SGTA: variants seen among roughly 807,000 people sequenced by gnomAD.
SGTA encodes small glutamine rich tetratricopeptide repeat co-chaperone alpha.
Under a neutral mutation model 44.3 loss-of-function variants are expected in SGTA, and 22 were observed. The observed-to-expected ratio is 0.50, with a 90% CI of 0.36 to 0.71. The LOEUF is 0.71. Among genes scored for constraint, SGTA ranks in the 30% least tolerant of loss-of-function variants. The probability of loss-of-function intolerance (pLI) is 0.00; values close to 1 mark genes in which losing one functional copy is unlikely to be tolerated. For synonymous variants in SGTA, 174 were observed against 177.6 expected (o/e 0.98, Z 0.16); for missense variants, 341 against 435.9 (o/e 0.78, Z 1.94).
Position 2,763,610 on chromosome 19 carries a change from G to T in SGTA, c.497+43C>A. On this transcript the variant is annotated intron_variant, in intron 6 of 11. Transcript: ENST00000221566. The surrounding 1 kb of genome is among the most constrained non-coding windows in gnomAD (Gnocchi z 5.8). ...AGGAAGCAGGAGCAGGAGAGGAGGG[G>T]TCCCGAGAGACTGGAAAGGCGCGGC... 7.3e-7 allele frequency: 1 copy of T among 1,371,340 alleles called. No individual in the cohort carries two copies. 84.9% of individuals were successfully genotyped at this position (1,371,340 alleles called of 1,614,324 possible).
Position 2,755,926 on chromosome 19 carries a change from G to A in SGTA, c.*14C>T, listed in dbSNP as rs906977258. On this transcript the variant is annotated 3_prime_UTR_variant, in exon 12 of 12. Transcript: ENST00000221566. This position sits in a 1 kb window ranked among gnomAD's most constrained non-coding sequence, Gnocchi z 5.2. ...GGCCAGGGAAGGACGCGGTCACACC[G>A]GGAGCAGCTGGAAGGGGACAGACAT... 6.8e-5 allele frequency: 67 copies of A among 985,952 alleles called. No homozygotes were observed. Among genetic ancestry groups the A allele is most frequent in the Middle Eastern group, 1.0e-3 (2 of 1,916 alleles). The allele number at this position is 985,952 out of a possible 1,614,324, so 61.1% of individuals were successfully genotyped here.
rs1915107622 is a variant in SGTA, at chr19:2,765,333, G to C, written c.293-48C>G. On this transcript the variant is annotated intron_variant, in intron 4 of 11. Coordinates refer to ENST00000221566, the MANE Select transcript of SGTA (RefSeq NM_003021.4). The surrounding 1 kb of genome is among the most constrained non-coding windows in gnomAD (Gnocchi z 5.5). ...CGGCCCGGTGTCCACACAGACCGGA[G>C]GGGGTGTCAGGGAGAGAGGAAAACA... 7.3e-7 allele frequency: 1 copy of C among 1,377,114 alleles called. No individual in the cohort carries two copies. The highest frequency in any genetic ancestry group is 1.2e-5 in the South Asian group (1 of 83,592). 85.3% of individuals were successfully genotyped at this position (1,377,114 alleles called of 1,614,324 possible).
In SGTA at chr19:2,769,085, G is replaced by C; in HGVS notation, c.-17C>G. The C allele has an allele frequency of 6.2e-7, 1 of 1,606,894 alleles. No individual in the cohort carries two copies. Among genetic ancestry groups the C allele is most frequent in the Non-Finnish European group, 8.5e-7 (1 of 1,173,804 alleles). ...GTTGTCCATCTTGAGCCCAGAAGAGGTGATACCTGGGGGTGCAGGAAAAAC... is the reference window on the plus strand; with the variant it reads ...GTTGTCCATCTTGAGCCCAGAAGAGCTGATACCTGGGGGTGCAGGAAAAAC... On this transcript the variant is annotated 5_prime_UTR_variant, in exon 2 of 12. Coordinates refer to ENST00000221566, the MANE Select transcript of SGTA (RefSeq NM_003021.4).
In SGTA at chr19:2,761,126, G is replaced by T. The variant is rs958319598; in HGVS notation, c.699+334C>A. On this transcript the variant is annotated intron_variant, in intron 8 of 11. Transcript: ENST00000221566. The surrounding 1 kb of genome is among the most constrained non-coding windows in gnomAD (Gnocchi z 5.7). ...CTCTGCACTGCGAGGAGGAGCCCAC[G>T]CCAGGGTGGGGTGGGGGTGTGACCT... Among the ~76,000 whole-genome samples the T allele has an allele frequency of 6.6e-6, 1 of 152,200 alleles. No individual in the cohort carries two copies. The highest frequency in any genetic ancestry group is 1.5e-5 in the Non-Finnish European group (1 of 68,024).
intron 1 of SGTA, among the ~76,000 whole-genome samples, chr19:2,781,969 G>A (rs1915586373): frequency 1.3e-5 from 2 of 151,970 alleles, no homozygotes; most frequent in Non-Finnish European, 2.9e-5. Flanking sequence ...AGCCTCCTGA[G>A]TAGCTGGGAT....
intron 1 of SGTA, among the ~76,000 whole-genome samples, chr19:2,780,702 G>A (rs1915553489): frequency 6.6e-6 from 1 of 152,190 alleles, no homozygotes; most frequent in South Asian, 2.1e-4. Context: ...ATGGACTCAG[G>A]AAAGCCTGCG....
chr19:2,781,679 TGAG>T (rs1915578117), intron 1 of SGTA, among the ~76,000 whole-genome samples: 1 of 150,602 alleles, frequency 6.6e-6, no homozygotes, highest in African/African-American at 2.4e-5. Context: ...AGGATGAAAA[TGAG>T]GAGTTCTGAA....
At position 2,767,355 on chromosome 19, in the gene SGTA, C is replaced by A; in HGVS notation, c.208-135G>T. On this transcript the variant is annotated intron_variant, in intron 3 of 11. Transcript: ENST00000221566. The surrounding 1 kb of genome is among the most constrained non-coding windows in gnomAD (Gnocchi z 7.3). ...GGGGGCTCTGCAGGGGACTCCTGGC[C>A]CCCCATCATGTGGCCCTGGGCGAGT... 2 of 750,984 alleles carry A rather than the reference C, an allele frequency of 2.7e-6. No individual in the cohort carries two copies. The highest frequency in any genetic ancestry group is 4.4e-6 in the Non-Finnish European group (2 of 458,046). The allele number at this position is 750,984 out of a possible 1,614,324, so 46.5% of individuals were successfully genotyped here.
intron 8 of SGTA, among the ~76,000 whole-genome samples, chr19:2,760,379 A>G (rs1022848322): frequency 6.6e-6 from 1 of 151,692 alleles, no homozygotes; most frequent in Non-Finnish European, 1.5e-5. Context: ...TTAGCCAGGC[A>G]TGGTGGTGGG....
Position 2,767,121 on chromosome 19 carries a change from G to C in SGTA, c.292+15C>G, listed in dbSNP as rs996369606. 1 of 1,596,984 alleles carries C rather than the reference G, an allele frequency of 6.3e-7. No individual in the cohort carries two copies. The highest frequency in any genetic ancestry group is 1.1e-5 in the South Asian group (1 of 89,186). ...GTAGGGCGAGGTGTCTGTGGGGATGGAGGTCCTCCCTTACCTTCGGTTTTG... is the reference window on the plus strand; with the variant it reads ...GTAGGGCGAGGTGTCTGTGGGGATGCAGGTCCTCCCTTACCTTCGGTTTTG... On this transcript the variant is annotated intron_variant, in intron 4 of 11. Transcript: ENST00000221566. The surrounding 1 kb of genome is among the most constrained non-coding windows in gnomAD (Gnocchi z 7.3).
At chr19:2,775,886 T>C (rs538964920) in intron 1 of SGTA, among the ~76,000 whole-genome samples, 1 of 152,310 alleles carries the variant, frequency 6.6e-6, no homozygotes, top group South Asian at 2.1e-4. Flanking sequence ...AAGAGCTGTG[T>C]TTTGTGTCGC....
chr19:2,773,985 G>A lies in SGTA; in HGVS notation c.-23-4894C>T, dbSNP rs1345117660. On this transcript the variant is annotated intron_variant, in intron 1 of 11. Transcript: ENST00000221566. ...GACGCGGCCACAGGGCAGGGACACC[G>A]AGGGCAGAGATGGGTGACGCGGCCA... is the stretch of plus-strand genomic sequence containing the variant. 3.3e-5 allele frequency among the ~76,000 whole-genome samples: 5 copies of A among 149,696 alleles called. 1 individual carries two copies. Among genetic ancestry groups the A allele is most frequent in the African/African-American group, 7.5e-5 (3 of 40,086 alleles).
intron 1 of SGTA, among the ~76,000 whole-genome samples, chr19:2,781,529 T>G (rs1292351760): frequency 6.6e-6 from 1 of 152,200 alleles, no homozygotes. Context: ...AGAGGTGGAT[T>G]TGGCCTTCTG....
chr19:2,760,859 C>T (rs1914970252), intron 8 of SGTA, among the ~76,000 whole-genome samples: 1 of 152,212 alleles, frequency 6.6e-6, no homozygotes, highest in Admixed American at 6.5e-5. Flanking sequence ...AGTCCCTGTA[C>T]CCTGAGGCTG....
chr19:2,775,440 C>A (rs757519404), intron 1 of SGTA, among the ~76,000 whole-genome samples: 1 of 152,262 alleles, frequency 6.6e-6, no homozygotes, highest in African/African-American at 2.4e-5. Flanking sequence ...ACACCGGCGA[C>A]GTGGACCTCC....
intron 1 of SGTA, among the ~76,000 whole-genome samples, chr19:2,769,393 C>T (rs1915236889): frequency 6.6e-6 from 1 of 152,162 alleles, no homozygotes; most frequent in African/African-American, 2.4e-5. Flanking sequence ...TACTGAGGCG[C>T]CACGGAGGTC....
intron 1 of SGTA, among the ~76,000 whole-genome samples, chr19:2,777,056 A>G (rs1328380675): frequency 6.6e-6 from 1 of 151,826 alleles, no homozygotes; most frequent in Non-Finnish European, 1.5e-5. Context: ...TGACATCAGG[A>G]GTTCGAGACC....
chr19:2,764,919 C>G (rs978189705), intron 5 of SGTA, among the ~76,000 whole-genome samples: 1 of 152,096 alleles, frequency 6.6e-6, no homozygotes, highest in African/African-American at 2.4e-5. Context: ...ATATGTTGCC[C>G]AGGCTAGTCC....
intron 1 of SGTA, among the ~76,000 whole-genome samples, chr19:2,778,997 G>A (rs543631347): frequency 6.6e-6 from 1 of 152,190 alleles, no homozygotes; most frequent in East Asian, 1.9e-4. Flanking sequence ...ATCTTGGGTG[G>A]ATGATTCTGT....
Sources: allele counts gnomAD v4.1 joint callset (sites outside exome capture counted in the v4.1 genomes callset), GRCh38; gene constraint gnomAD v4.1.1; non-coding constraint Gnocchi (gnomAD v3.1); transcripts MANE v1.5; gene names NCBI Gene and HGNC (gene_info 2026-07-23, HGNC 2026-07-21).